SUFU: variants seen among roughly 807,000 people sequenced by gnomAD.
SUFU encodes SUFU negative regulator of hedgehog signaling.
In SUFU, 7 loss-of-function variants were observed where a neutral mutation model predicts 58.9. That is an observed-to-expected ratio of 0.12 (90% CI 0.07 to 0.22). SUFU has a LOEUF of 0.22. Among genes scored for constraint, SUFU ranks in the 10% least tolerant of loss-of-function variants. The pLI is 1.00. For missense variants in SUFU, 451 were observed against 641.3 expected, an observed-to-expected ratio of 0.70 and a Z score of 3.20; for synonymous variants, 232 against 254.8, an observed-to-expected ratio of 0.91 and a Z score of 0.85.
chr10:102,621,133 C>T (rs2063736397), intron 10 of SUFU, among the ~76,000 whole-genome samples: 1 of 152,204 alleles, frequency 6.6e-6, no homozygotes, highest in Non-Finnish European at 1.5e-5. Context: ...TTCTGCTACC[C>T]ATTTGGATAT....
chr10:102,590,546 A>G (rs1279053782), intron 3 of SUFU, among the ~76,000 whole-genome samples: 1 of 152,008 alleles, frequency 6.6e-6, no homozygotes, highest in Non-Finnish European at 1.5e-5. Flanking sequence ...CATAAAGTAT[A>G]TTGGTCTATA....
At chr10:102,607,083 G>T (rs1417249153) in intron 8 of SUFU, among the ~76,000 whole-genome samples, 4 of 150,384 alleles carry the variant, frequency 2.7e-5, no homozygotes, top group Admixed American at 6.6e-5. Context: ...TTTTGAGACG[G>T]CGTCTGACTC....
intron 3 of SUFU, among the ~76,000 whole-genome samples, chr10:102,554,143 C>G (rs967317111): frequency 1.3e-5 from 2 of 152,098 alleles, no homozygotes; most frequent in African/African-American, 4.8e-5. Flanking sequence ...TGGCTCATGC[C>G]TGTAATCCCA....
intron 2 of SUFU, among the ~76,000 whole-genome samples, chr10:102,541,697 C>CTTT (rs869264798): frequency 0.23 from 12,898 of 56,084 alleles, 1,690 homozygotes; most frequent in Non-Finnish European, 0.26. Flanking sequence ...CCGCGCCCGG[C>CTTT]TTTTTTTTTT....
intron 2 of SUFU, among the ~76,000 whole-genome samples, chr10:102,512,723 A>G (rs2062415784): frequency 6.6e-6 from 1 of 152,240 alleles, no homozygotes; most frequent in African/African-American, 2.4e-5. Flanking sequence ...TGTGGAAGGA[A>G]TGTTCTCAGA....
At chr10:102,597,707 TGGCCTCGGGCCCTCCCA>T (rs765200759) in intron 7 of SUFU, among the ~76,000 whole-genome samples, 64 of 152,268 alleles carry the variant, frequency 4.2e-4, no homozygotes, top group Non-Finnish European at 8.7e-4. Context: ...AGGATCACTC[TGGCCTCGGGCCCTCCCA>T]GGCCTTCAAC....
rs5787463 is a variant in SUFU, at chr10:102,531,082, C to CAA, written c.318-18867_318-18866dup. Among the ~76,000 whole-genome samples the CAA allele has an allele frequency of 2.8e-4, 27 of 95,390 alleles. 1 individual carries two copies. Among genetic ancestry groups the CAA allele is most frequent in the East Asian group, 1.2e-3 (4 of 3,318 alleles). The allele number at this position is 95,390 out of a possible 152,430, so 62.6% of individuals were successfully genotyped here. The stretch of plus-strand genomic sequence containing the variant: ...GCAATACCCCATAACCCATTTCTAC[C>CAA]AAAAAAAAAAAAAAAAAAAAAATGT... On this transcript the variant is annotated intron_variant, in intron 2 of 11. Transcript: ENST00000369902.
At chr10:102,585,757 G>C (rs936630892) in intron 3 of SUFU, among the ~76,000 whole-genome samples, 4 of 152,072 alleles carry the variant, frequency 2.6e-5, no homozygotes, top group African/African-American at 9.6e-5. Context: ...GGCCTCAAGC[G>C]ATCCTCTCAC....
In SUFU at chr10:102,599,490, T is replaced by A. The variant is rs1475601053; in HGVS notation, c.968T>A (p.Val323Asp). The change falls in exon 8 of 12, where the codon GTC becomes GAC. Residue 323 changes from valine (V) to aspartate (D), a missense_variant. Val to Asp is a radical substitution (Grantham distance 152, BLOSUM62 -3). Transcript: ENST00000369902. Reference sequence around the variant, plus strand: ...GGACTCGAGATCAACAGCAAACCTGTCCTTCCACCAATCAACCCTCAGCGG... The same window carrying A: ...GGACTCGAGATCAACAGCAAACCTGACCTTCCACCAATCAACCCTCAGCGG... ...RRGLEINSKPVLPPINPQRQN... is the reference protein window; with the variant it reads ...RRGLEINSKPDLPPINPQRQN... The A allele has an allele frequency of 6.2e-7, 1 of 1,614,164 alleles. No homozygotes were observed. Among genetic ancestry groups the A allele is most frequent in the South Asian group, 1.1e-5 (1 of 91,084 alleles).
At chr10:102,566,259 C>G (rs1211881872) in intron 3 of SUFU, among the ~76,000 whole-genome samples, 1 of 152,168 alleles carries the variant, frequency 6.6e-6, no homozygotes, top group Non-Finnish European at 1.5e-5. Context: ...CTGTGAAACA[C>G]AGGTAATAGT....
intron 2 of SUFU, among the ~76,000 whole-genome samples, chr10:102,544,796 G>T (rs2062836613): frequency 6.6e-6 from 1 of 152,086 alleles, no homozygotes; most frequent in Non-Finnish European, 1.5e-5. Context: ...CTAGTTTCTG[G>T]CAACCACCAA....
At chr10:102,579,111 G>A (rs929354360) in intron 3 of SUFU, among the ~76,000 whole-genome samples, 1 of 152,174 alleles carries the variant, frequency 6.6e-6, no homozygotes, top group African/African-American at 2.4e-5. Flanking sequence ...GGTAAGCAAG[G>A]ACCTGTGTAC....
In SUFU at chr10:102,633,166, C is replaced by T. The variant is rs1395838983; in HGVS notation, c.*3011C>T. On this transcript the variant is annotated 3_prime_UTR_variant, in exon 12 of 12. Coordinates refer to ENST00000369902, the MANE Select transcript of SUFU (RefSeq NM_016169.4). Reference sequence around the variant, plus strand: ...TTACTGTATTTTTGTGTCTGGTCTTCCCTTTCTGGCTTCTAGGACATCCAT... The same window carrying T: ...TTACTGTATTTTTGTGTCTGGTCTTTCCTTTCTGGCTTCTAGGACATCCAT... 4.3e-6 allele frequency: 1 copy of T among 233,298 alleles called. No individual in the cohort carries two copies. Among genetic ancestry groups the T allele is most frequent in the Non-Finnish European group, 8.5e-6 (1 of 118,006 alleles). The allele number at this position is 233,298 out of a possible 1,614,324, so 14.5% of individuals were successfully genotyped here.
rs185381626 is a variant in SUFU, at chr10:102,536,317, G to C, written c.318-13653G>C. Among the ~76,000 whole-genome samples the C allele has an allele frequency of 3.2e-3, 467 of 147,512 alleles. 4 individuals carry two copies. The highest frequency in any genetic ancestry group is 0.011 in the African/African-American group (450 of 40,244). On this transcript the variant is annotated intron_variant, in intron 2 of 11. Transcript: ENST00000369902. ...AATTTTGGAAAATACAAAGAAGTTT[G>C]AAAAACAAAAATTATACTGTAGTAG...
chr10:102,545,467 G>A (rs371334990), intron 2 of SUFU, among the ~76,000 whole-genome samples: 13 of 152,180 alleles, frequency 8.5e-5, no homozygotes, highest in African/African-American at 2.9e-4. Flanking sequence ...ATACTTAGGA[G>A]TGGAATTGCT....
intron 2 of SUFU, among the ~76,000 whole-genome samples, chr10:102,547,255 C>T (rs2062864864): frequency 1.3e-5 from 2 of 152,208 alleles, no homozygotes; most frequent in South Asian, 4.1e-4. Context: ...GTCAATCTTG[C>T]ATTACTCCAT....
At chr10:102,532,384 C>T (rs1589998628) in intron 2 of SUFU, among the ~76,000 whole-genome samples, 1 of 152,216 alleles carries the variant, frequency 6.6e-6, no homozygotes, top group Non-Finnish European at 1.5e-5. Context: ...TGCTGCAAAT[C>T]AGCAGCTTAC....
chr10:102,620,321 A>G (rs981433677), intron 10 of SUFU, among the ~76,000 whole-genome samples: 2 of 152,182 alleles, frequency 1.3e-5, no homozygotes, highest in Non-Finnish European at 2.9e-5. Flanking sequence ...GGCCGAGAGG[A>G]AAAGGCAGAA....
intron 2 of SUFU, among the ~76,000 whole-genome samples, chr10:102,531,355 C>T (rs960193810): frequency 1.3e-4 from 20 of 152,162 alleles, no homozygotes; most frequent in African/African-American, 4.6e-4. Flanking sequence ...CAGGCACCCC[C>T]AGAGTCAACA....
Sources: allele counts gnomAD v4.1 joint callset (sites outside exome capture counted in the v4.1 genomes callset), GRCh38; gene constraint gnomAD v4.1.1; transcripts MANE v1.5; gene names NCBI Gene and HGNC (gene_info 2026-07-23, HGNC 2026-07-21).